The following CAGE1 variants were observed in gnomAD, a reference collection of about 807,000 sequenced individuals.
The protein encoded by CAGE1 is cancer-associated gene 1 protein.
In CAGE1, 66 loss-of-function variants were observed where a neutral mutation model predicts 94.9. That is an observed-to-expected ratio of 0.70 (90% CI 0.57 to 0.85). The LOEUF (loss-of-function observed/expected upper bound fraction) is 0.85. CAGE1 is among the 40% of genes least tolerant of loss of function. The pLI is 0.00. For synonymous variants in CAGE1, 319 were observed against 321.0 expected (o/e 0.99, Z 0.07); for missense variants, 865 against 950.4 (o/e 0.91, Z 1.18).
At position 7,341,039 on chromosome 6, in the gene CAGE1, T is replaced by C. The variant is rs2714316; in HGVS notation, c.2370-6949A>G. 6.6e-3 allele frequency: 3,125 copies of C among 473,612 alleles called. 99 individuals are homozygous for C. Among genetic ancestry groups the C allele is most frequent in the African/African-American group, 0.057 (2,832 of 49,940 alleles). 29.3% of individuals were successfully genotyped at this position (473,612 alleles called of 1,614,324 possible). A position where few individuals can be genotyped will look rare whatever the true frequency, so the allele number is the denominator to read the frequency against. On this transcript the variant is annotated intron_variant, in intron 11 of 13. Transcript: ENST00000502583. ...TCAAATGTACAGGGATCCAGGTACT[T>C]TTTCAAGTTGATCCAGATATAGAGG... is the stretch of plus-strand genomic sequence containing the variant.
At chr6:7,330,373 T>G (rs184719222) in intron 12 of CAGE1, among the ~76,000 whole-genome samples, 1 of 152,156 alleles carries the variant, frequency 6.6e-6, no homozygotes, top group East Asian at 1.9e-4. Context: ...GGTAGCAGAG[T>G]GAGACTTCAT....
chr6:7,387,399 T>C (rs980776765), intron 1 of CAGE1, among the ~76,000 whole-genome samples: 2 of 152,194 alleles, frequency 1.3e-5, no homozygotes, highest in African/African-American at 4.8e-5. Flanking sequence ...ACAAACAGTA[T>C]TGGCTACTAT....
intron 4 of CAGE1, among the ~76,000 whole-genome samples, chr6:7,376,266 G>C (rs1760739305): frequency 1.3e-5 from 2 of 152,080 alleles, no homozygotes; most frequent in Admixed American, 1.3e-4. Flanking sequence ...GCACACACCT[G>C]TAATCCCAGC....
intron 9 of CAGE1, among the ~76,000 whole-genome samples, chr6:7,361,844 C>T (rs1760176524): frequency 6.6e-6 from 1 of 152,150 alleles, no homozygotes; most frequent in African/African-American, 2.4e-5. Flanking sequence ...TGTAAGATTC[C>T]ATCTGGCTGG....
Position 7,369,951 on chromosome 6 carries a change from G to A in CAGE1, c.1861C>T (p.Leu621=). The A allele has an allele frequency of 6.2e-7, 1 of 1,613,670 alleles. No individual in the cohort carries two copies. The highest frequency in any genetic ancestry group is 8.5e-7 in the Non-Finnish European group (1 of 1,179,768). The change falls in exon 6 of 14, where the codon CTG becomes TTG. Residue 621 remains leucine, a synonymous_variant. Coordinates refer to ENST00000502583, the MANE Select transcript of CAGE1 (RefSeq NM_001170692.2). The part of the protein sequence containing the change: ...SQLASKMHSL[L]ALMVGLLTCQ... ...GTGAGAAGTCCCACCATCAGAGCCA[G>A]AAGACTGTGCATTTTGGAGGCCAGC...
At chr6:7,335,167 C>G (rs79580381) in intron 11 of CAGE1, among the ~76,000 whole-genome samples, 2 of 152,174 alleles carry the variant, frequency 1.3e-5, no homozygotes, top group African/African-American at 4.8e-5. Flanking sequence ...CTGCCTCCCC[C>G]CTCTTATAAG....
intron 12 of CAGE1, among the ~76,000 whole-genome samples, chr6:7,333,655 T>TATATATATATAC (rs1561846149): frequency 4.6e-5 from 5 of 108,656 alleles, no homozygotes; most frequent in African/African-American, 1.8e-4. Flanking sequence ...TATATATATA[T>TATATATATATAC]ATATATATAT....
In CAGE1 at chr6:7,355,090, T is replaced by A. The variant is rs747415887; in HGVS notation, c.2320A>T (p.Ile774Phe). Residue 774 changes from isoleucine (I) to phenylalanine (F), a missense_variant, in exon 11 of 14, where the codon ATT becomes TTT. Coordinates refer to ENST00000502583, the MANE Select transcript of CAGE1 (RefSeq NM_001170692.2). ...IKKVTSYEEI[I>F]ECADQRLAIS... ...GCAAGCCTTTGGTCAGCACATTCAA[T>A]GATTTCTTCATATGATGTAACCTTG... 1 of 1,608,568 alleles carries A rather than the reference T, an allele frequency of 6.2e-7. No homozygotes were observed. Among genetic ancestry groups the A allele is most frequent in the Non-Finnish European group, 8.5e-7 (1 of 1,177,014 alleles).
Position 7,368,504 on chromosome 6 carries a change from AAAC to A in CAGE1, c.2004+181_2004+183del, listed in dbSNP as rs533730430. Among the ~76,000 whole-genome samples, 28 of 152,218 alleles carry A rather than the reference AAAC, an allele frequency of 1.8e-4. No individual in the cohort carries two copies. In the South Asian group the frequency reaches 5.6e-3, roughly 30 times the overall value. ...GTGAATGAGATTTTCCCATACAGAC[AAAC>A]AATAAAACAAGTCAAATGTTGAACA... On this transcript the variant is annotated intron_variant, in intron 7 of 13. Transcript: ENST00000502583.
chr6:7,388,211 A>G (rs1761198044), intron 1 of CAGE1, among the ~76,000 whole-genome samples: 1 of 152,104 alleles, frequency 6.6e-6, no homozygotes, highest in Admixed American at 6.6e-5. Context: ...CAGGCCATCC[A>G]TAGCCTGGAG....
chr6:7,344,458 G>A (rs761532693), intron 11 of CAGE1, among the ~76,000 whole-genome samples: 1 of 152,198 alleles, frequency 6.6e-6, no homozygotes, highest in African/African-American at 2.4e-5. Flanking sequence ...TTCCCGCAGG[G>A]CAGGATTCGG....
At position 7,373,574 on chromosome 6, in the gene CAGE1, A is replaced by T; in HGVS notation, c.1245T>A (p.Ala415=). The change falls in exon 5 of 14, where the codon GCT becomes GCA. Residue 415 remains alanine, a synonymous_variant. Transcript: ENST00000502583. The part of the protein sequence containing the change: ...MLQLQFKKIK[A]NYVCLQERYM... Reference sequence around the variant, plus strand: ...ACCTTTCCTGTAAACACACATAATTAGCCTTGATCTTCTTAAATTGAAGCT... The same window carrying T: ...ACCTTTCCTGTAAACACACATAATTTGCCTTGATCTTCTTAAATTGAAGCT... The T allele has an allele frequency of 1.2e-6, 2 of 1,613,392 alleles. No individual in the cohort carries two copies. The highest frequency in any genetic ancestry group is 1.7e-6 in the Non-Finnish European group (2 of 1,179,722).
intron 11 of CAGE1, among the ~76,000 whole-genome samples, chr6:7,352,930 A>G (rs1404767578): frequency 6.6e-6 from 1 of 152,260 alleles, no homozygotes; most frequent in Admixed American, 6.5e-5. Context: ...AAGTGCTGAA[A>G]CTATAAAAAT....
intron 12 of CAGE1, among the ~76,000 whole-genome samples, chr6:7,330,996 CAGTATAAATT>C (rs1758730354): frequency 6.6e-6 from 1 of 152,154 alleles, no homozygotes; most frequent in Admixed American, 6.5e-5. Context: ...GATCCATCTT[CAGTATAAATT>C]AGCATTTACT....
At chr6:7,338,627 T>C (rs964644469) in intron 11 of CAGE1, among the ~76,000 whole-genome samples, 3 of 152,224 alleles carry the variant, frequency 2.0e-5, no homozygotes, top group African/African-American at 7.2e-5. Context: ...GATTAGAACA[T>C]GGATTTGCCA....
At chr6:7,341,613 G>A in intron 11 of CAGE1, 2 of 805,004 alleles carry the variant, frequency 2.5e-6, no homozygotes, top group South Asian at 1.3e-5. Flanking sequence ...CAGCAAGGTG[G>A]AACAGATGGG....
intron 4 of CAGE1, among the ~76,000 whole-genome samples, chr6:7,376,084 ATTTGT>A (rs1760733597): frequency 6.6e-6 from 1 of 152,064 alleles, no homozygotes; most frequent in African/African-American, 2.4e-5. Flanking sequence ...TCACAAGTGG[ATTTGT>A]TACAAAAGTG....
At chr6:7,338,951 G>A in intron 11 of CAGE1, 1 of 1,609,394 alleles carries the variant, frequency 6.2e-7, no homozygotes, top group Non-Finnish European at 8.5e-7. Context: ...TGCTCACGTG[G>A]TCAGGCAGGG....
At chr6:7,375,587 T>A in intron 4 of CAGE1, among the ~76,000 whole-genome samples, 1 of 152,014 alleles carries the variant, frequency 6.6e-6, no homozygotes, top group East Asian at 1.9e-4. Flanking sequence ...AAAAATATTT[T>A]AAAAATCAGT....
Sources: allele counts gnomAD v4.1 joint callset (sites outside exome capture counted in the v4.1 genomes callset), GRCh38; gene constraint gnomAD v4.1.1; transcripts MANE v1.5; gene names NCBI Gene and HGNC (gene_info 2026-07-23, HGNC 2026-07-21).